RALGPS1: variants seen among roughly 807,000 people sequenced by gnomAD.
RALGPS1 encodes the protein Ral GEF with PH domain and SH3 binding motif 1, also known as ras-specific guanine nucleotide-releasing factor RalGPS1.
A neutral mutation model predicts 78.8 loss-of-function variants in RALGPS1; 19 were observed. The ratio of observed to expected loss-of-function variants is 0.24; its 90% CI spans 0.17 to 0.35. The LOEUF is 0.35. Ranked by LOEUF, RALGPS1 falls within the 10% of genes least tolerant of loss-of-function variation. The probability of loss-of-function intolerance (pLI) is 1.00; values close to 1 mark genes in which losing one functional copy is unlikely to be tolerated. For synonymous variants in RALGPS1, 228 were observed against 256.3 expected (o/e 0.89, Z 1.06); for missense variants, 454 against 688.3 (o/e 0.66, Z 3.81).
At chr9:127,056,273 C>T (rs905399978) in intron 7 of RALGPS1, among the ~76,000 whole-genome samples, 1 of 152,182 alleles carries the variant, frequency 6.6e-6, no homozygotes, top group African/African-American at 2.4e-5. Flanking sequence ...AGGGCTCTTT[C>T]CCTGGTTACA....
chr9:126,977,658 T>A (rs2040802184), intron 3 of RALGPS1, 37 bp from the exon 4 acceptor site: 3 of 1,397,108 alleles, frequency 2.1e-6, no homozygotes, highest in Non-Finnish European at 2.0e-6. Context: ...ATCTTTGATG[T>A]ACAGTATTTT....
intron 3 of RALGPS1, among the ~76,000 whole-genome samples, chr9:126,976,336 C>G (rs1421266750): frequency 1.3e-5 from 2 of 150,692 alleles, no homozygotes; most frequent in African/African-American, 4.9e-5. Context: ...CACACACTTT[C>G]ATATACACGC....
intron 8 of RALGPS1, among the ~76,000 whole-genome samples, chr9:127,121,938 C>G (rs892415040): frequency 6.6e-6 from 1 of 152,224 alleles, no homozygotes; most frequent in Non-Finnish European, 1.5e-5. Flanking sequence ...CTTGGGCCAC[C>G]CCTGCCTTCT....
At chr9:127,170,115 T>C (rs2059492373) in intron 10 of RALGPS1, among the ~76,000 whole-genome samples, 1 of 152,194 alleles carries the variant, frequency 6.6e-6, no homozygotes, top group South Asian at 2.1e-4. Flanking sequence ...TTAGCCAGAC[T>C]GCATGGTCTT....
intron 4 of RALGPS1, among the ~76,000 whole-genome samples, chr9:127,012,294 A>G (rs1438017682): frequency 3.3e-5 from 5 of 152,138 alleles, no homozygotes; most frequent in African/African-American, 1.2e-4. Context: ...TAAACTTTTT[A>G]AGCAGGGAAA....
chr9:127,143,140 G>A (rs1382219819), intron 8 of RALGPS1, among the ~76,000 whole-genome samples: 2 of 151,994 alleles, frequency 1.3e-5, no homozygotes, highest in Non-Finnish European at 2.9e-5. Context: ...TTTAACCACC[G>A]TAGATTTCCC....
chr9:127,194,712 C>T (rs1025468463), intron 11 of RALGPS1, among the ~76,000 whole-genome samples: 1 of 152,208 alleles, frequency 6.6e-6, no homozygotes, highest in Non-Finnish European at 1.5e-5. Context: ...CACACCCGGC[C>T]TAGAAGACAT....
intron 13 of RALGPS1, among the ~76,000 whole-genome samples, chr9:127,198,079 A>G (rs1294612249): frequency 1.3e-5 from 2 of 152,252 alleles, no homozygotes; most frequent in African/African-American, 4.8e-5. Context: ...AGAGCTGTCC[A>G]ACGTCCAGAC....
At chr9:127,015,993 CTCT>C (rs1362245385) in intron 4 of RALGPS1, among the ~76,000 whole-genome samples, 5 of 151,710 alleles carry the variant, frequency 3.3e-5, no homozygotes, top group African/African-American at 7.3e-5. Flanking sequence ...TCCCTTTCTT[CTCT>C]TCTTCTTTTT....
intron 8 of RALGPS1, among the ~76,000 whole-genome samples, chr9:127,130,308 G>C (rs1025027590): frequency 1.3e-5 from 2 of 152,218 alleles, no homozygotes; most frequent in South Asian, 4.1e-4. Flanking sequence ...TGCAATATTG[G>C]AGACATAGCA....
At chr9:126,939,542 A>G (rs960447563) in intron 1 of RALGPS1, among the ~76,000 whole-genome samples, 10 of 152,332 alleles carry the variant, frequency 6.6e-5, no homozygotes, top group Middle Eastern at 3.4e-3. Context: ...AGCTGTTGCT[A>G]TTAGTTAATC....
At chr9:127,032,549 T>G (rs2046519751) in intron 4 of RALGPS1, among the ~76,000 whole-genome samples, 1 of 152,250 alleles carries the variant, frequency 6.6e-6, no homozygotes, top group Non-Finnish European at 1.5e-5. Context: ...AGGACTGGCT[T>G]TGTGATTCAC....
intron 8 of RALGPS1, among the ~76,000 whole-genome samples, chr9:127,143,562 C>T (rs1015458217): frequency 2.6e-5 from 4 of 152,164 alleles, no homozygotes; most frequent in Non-Finnish European, 4.4e-5. Context: ...AGGGCCTAGA[C>T]ATTCCTCCCT....
chr9:127,184,325 A>G (rs2060495171), intron 11 of RALGPS1: 38 of 323,664 alleles, frequency 1.2e-4, no homozygotes, highest in South Asian at 2.0e-4. Flanking sequence ...GTCTCAGGAA[A>G]AAAAAAAAAA....
chr9:127,137,231 T>C (rs868852), intron 8 of RALGPS1, among the ~76,000 whole-genome samples: 110,788 of 152,130 alleles, frequency 0.73, 40,593 homozygotes, highest in East Asian at 0.83. Flanking sequence ...CAGACTAGTG[T>C]CCCACCCGGG....
chr9:126,997,850 C>T (rs1267788938), intron 4 of RALGPS1, among the ~76,000 whole-genome samples: 1 of 152,148 alleles, frequency 6.6e-6, no homozygotes, highest in Non-Finnish European at 1.5e-5. Context: ...GAACAGAGCC[C>T]TCAGAAACAA....
chr9:127,043,815 T>G (rs915345610), intron 5 of RALGPS1, among the ~76,000 whole-genome samples: 23 of 152,174 alleles, frequency 1.5e-4, no homozygotes, highest in Admixed American at 1.5e-3. Context: ...AAAGAAGATA[T>G]GCAGATGGCA....
At position 127,168,274 on chromosome 9, in the gene RALGPS1, A is replaced by T. The variant is rs186974110; in HGVS notation, c.749-405A>T. 1.3e-3 allele frequency among the ~76,000 whole-genome samples: 202 copies of T among 152,278 alleles called. 1 individual carries two copies. The highest frequency in any genetic ancestry group is 2.1e-3 in the African/African-American group (88 of 41,554). On this transcript the variant is annotated intron_variant, in intron 9 of 18. Transcript: ENST00000259351. ...TTCATGTCACACAGCTGGTGGGTAG[A>T]TATAGGAGGCTTGCCCAGTTACCCC...
chr9:127,066,921 T>C (rs1187517272), intron 7 of RALGPS1, among the ~76,000 whole-genome samples: 1 of 152,198 alleles, frequency 6.6e-6, no homozygotes, highest in East Asian at 1.9e-4. Context: ...CCTCCTGGAC[T>C]TAAGCAATCT....
Sources: allele counts gnomAD v4.1 joint callset (sites outside exome capture counted in the v4.1 genomes callset), GRCh38; gene constraint gnomAD v4.1.1; transcripts MANE v1.5; gene names NCBI Gene and HGNC (gene_info 2026-07-23, HGNC 2026-07-21).